MAD1L1: variants seen among roughly 807,000 people sequenced by gnomAD.
The protein encoded by MAD1L1 is mitotic arrest deficient 1 like 1.
A neutral mutation model predicts 96.9 loss-of-function variants in MAD1L1; 95 were observed. That is an observed-to-expected ratio of 0.98 (90% CI 0.83 to 1.16). The LOEUF is 1.16. MAD1L1 is among the 50% of genes most tolerant of loss of function. The probability of loss-of-function intolerance (pLI) is 0.00; values close to 1 mark genes in which losing one functional copy is unlikely to be tolerated. For synonymous variants in MAD1L1, 473 were observed against 396.6 expected, an observed-to-expected ratio of 1.19 and a Z score of -2.29; for missense variants, 1,007 against 954.4, an observed-to-expected ratio of 1.06 and a Z score of -0.73.
At chr7:1,816,769 G>C (rs548533357) in intron 18 of MAD1L1, among the ~76,000 whole-genome samples, 48 of 152,120 alleles carry the variant, frequency 3.2e-4, no homozygotes, top group African/African-American at 1.1e-3. Flanking sequence ...AGCGCTGCAG[G>C]CCCCAGGGGA....
chr7:2,165,468 C>CA (rs1164810093), intron 10 of MAD1L1, among the ~76,000 whole-genome samples: 1 of 151,154 alleles, frequency 6.6e-6, no homozygotes, highest in African/African-American at 2.4e-5. Flanking sequence ...CGGTCACACT[C>CA]TGGGATGCGA....
At chr7:1,876,012 T>C (rs910187594) in intron 18 of MAD1L1, among the ~76,000 whole-genome samples, 6 of 152,176 alleles carry the variant, frequency 3.9e-5, no homozygotes, top group Non-Finnish European at 7.4e-5. Context: ...CCGGTGCCCT[T>C]TGATCTCAGA....
chr7:2,118,888 GAGGAGAAGCCACC>G (rs1456192747), intron 11 of MAD1L1, among the ~76,000 whole-genome samples: 1 of 152,166 alleles, frequency 6.6e-6, no homozygotes, highest in African/African-American at 2.4e-5. Flanking sequence ...CCTGCTCTCA[GAGGAGAAGCCACC>G]CCGCGATTGT....
At chr7:2,153,965 G>A (rs944629280) in intron 10 of MAD1L1, among the ~76,000 whole-genome samples, 10 of 152,198 alleles carry the variant, frequency 6.6e-5, no homozygotes, top group African/African-American at 2.2e-4. Context: ...AGACCAGCCC[G>A]GCCAACATGG....
At chr7:2,207,158 T>C (rs1299990927) in intron 10 of MAD1L1, among the ~76,000 whole-genome samples, 2 of 152,106 alleles carry the variant, frequency 1.3e-5, no homozygotes, top group Non-Finnish European at 1.5e-5. Context: ...TGTTAAATAT[T>C]TGGGTCAATT....
intron 18 of MAD1L1, among the ~76,000 whole-genome samples, chr7:1,871,749 T>C (rs1218439651): frequency 6.6e-6 from 1 of 152,082 alleles, no homozygotes; most frequent in Admixed American, 6.5e-5. Flanking sequence ...AACATACGCC[T>C]GCCACGCTGA....
intron 16 of MAD1L1, chr7:1,940,398 T>C (rs534154821): frequency 7.9e-5 from 12 of 152,322 alleles, no homozygotes; most frequent in African/African-American, 2.6e-4. Flanking sequence ...TGCTACTTCA[T>C]CCAGTTTTCA....
At position 2,103,740 on chromosome 7, in the gene MAD1L1, G is replaced by T. The variant is rs1786940824; in HGVS notation, c.1074-34402C>A. On this transcript the variant is annotated intron_variant, in intron 11 of 18. Transcript: ENST00000265854. The surrounding 1 kb of genome is among the most constrained non-coding windows in gnomAD (Gnocchi z 4.3). ...CAGGTGCTGTCCTCCTCCCTGCCCA[G>T]ATCCCAGCAGTGTGGCATAAGCAGA... Among the ~76,000 whole-genome samples, 1 of 152,212 alleles carries T rather than the reference G, an allele frequency of 6.6e-6. No individual in the cohort carries two copies. The highest frequency in any genetic ancestry group is 1.5e-5 in the Non-Finnish European group (1 of 68,032).
chr7:1,898,416 T>C (rs1446148641), intron 17 of MAD1L1, 26 bp from the exon 18 acceptor site: 4 of 1,606,548 alleles, frequency 2.5e-6, no homozygotes, highest in East Asian at 2.2e-5. Context: ...AAGGAGACAG[T>C]GAGTGCGGCA....
At chr7:2,061,515 G>GC in intron 12 of MAD1L1, among the ~76,000 whole-genome samples, 1 of 152,330 alleles carries the variant, frequency 6.6e-6, no homozygotes, top group South Asian at 2.1e-4. Context: ...TCGAGTACAG[G>GC]CCCCCACCAG....
chr7:2,074,794 C>G (rs1008282618), intron 11 of MAD1L1, among the ~76,000 whole-genome samples: 4 of 152,214 alleles, frequency 2.6e-5, no homozygotes, highest in Admixed American at 2.6e-4. Context: ...ATCAGCAAAC[C>G]AGCAAGCAGG....
rs185307363 is a variant in MAD1L1, at chr7:1,916,317, C to T, written c.1808-17927G>A. 3.3e-5 allele frequency among the ~76,000 whole-genome samples: 5 copies of T among 152,344 alleles called. No homozygotes were observed. The East Asian group carries it at 5.8e-4, about 18-fold the overall frequency. ...AAGACTTGTACCCAAACGTCCACAA[C>T]GTCCACAGCATGACTCATGACAGCC... is the stretch of plus-strand genomic sequence containing the variant. On this transcript the variant is annotated intron_variant, in intron 17 of 18. Transcript: ENST00000265854.
chr7:1,870,826 A>ATTG (rs1785033663), intron 18 of MAD1L1, among the ~76,000 whole-genome samples: 1 of 17,114 alleles, frequency 5.8e-5, no homozygotes, highest in Non-Finnish European at 8.9e-5. Context: ...TGAACCGACC[A>ATTG]TAACACCTGC....
At chr7:1,828,433 G>A (rs1411597275) in intron 18 of MAD1L1, among the ~76,000 whole-genome samples, 5 of 152,204 alleles carry the variant, frequency 3.3e-5, no homozygotes, top group Admixed American at 3.3e-4. Context: ...TGGAGCATTA[G>A]AGAGAAAAAC....
At chr7:1,842,983 A>C (rs1039815979) in intron 18 of MAD1L1, among the ~76,000 whole-genome samples, 1 of 152,204 alleles carries the variant, frequency 6.6e-6, no homozygotes, top group African/African-American at 2.4e-5. Context: ...TGAGGCCCAC[A>C]GTGGGGCTGC....
intron 12 of MAD1L1, among the ~76,000 whole-genome samples, chr7:2,057,976 G>C (rs1158063219): frequency 6.6e-6 from 1 of 150,804 alleles, no homozygotes; most frequent in Non-Finnish European, 1.5e-5. Context: ...GAGAGGGAGT[G>C]TGGCCAGAGG....
At position 1,876,926 on chromosome 7, in the gene MAD1L1, G is replaced by T. The variant is rs1785417297; in HGVS notation, c.1998+21274C>A. Reference sequence around the variant, plus strand: ...GTTCCATCTCCAGGCCCCCCGCCCTGGTCCTCCTCCCACTACTGCCAGAAG... The same window carrying T: ...GTTCCATCTCCAGGCCCCCCGCCCTTGTCCTCCTCCCACTACTGCCAGAAG... On this transcript the variant is annotated intron_variant, in intron 18 of 18. Transcript: ENST00000265854. 2.9e-5 allele frequency among the ~76,000 whole-genome samples: 3 copies of T among 104,300 alleles called. 1 individual carries two copies. The highest frequency in any genetic ancestry group is 4.5e-3 in the Middle Eastern group (1 of 224). 68.4% of individuals were successfully genotyped at this position (104,300 alleles called of 152,430 possible). A position where few individuals can be genotyped will look rare whatever the true frequency, so the allele number is the denominator to read the frequency against.
intron 12 of MAD1L1, among the ~76,000 whole-genome samples, chr7:2,017,936 G>C (rs1681650090): frequency 1.3e-5 from 2 of 152,154 alleles, no homozygotes; most frequent in Admixed American, 1.3e-4. Context: ...GGGAAGGGCA[G>C]GGGAGATCAG....
intron 18 of MAD1L1, among the ~76,000 whole-genome samples, chr7:1,867,198 C>T (rs1027325861): frequency 6.6e-6 from 1 of 152,204 alleles, no homozygotes; most frequent in Non-Finnish European, 1.5e-5. Context: ...CGTAGGCCTC[C>T]CCTGGCATCA....
Sources: gnomAD v4.1 joint callset for allele counts (sites outside exome capture counted in the v4.1 genomes callset) on GRCh38, gnomAD v4.1.1 for gene constraint, Gnocchi (gnomAD v3.1) non-coding constraint, MANE v1.5 for transcripts, NCBI Gene and HGNC (gene_info 2026-07-23, HGNC 2026-07-21) for gene names.